The following NCOA2 variants were observed in gnomAD, a reference collection of about 807,000 sequenced individuals.
NCOA2 encodes nuclear receptor coactivator 2, also known as class E basic helix-loop-helix protein 75.
NCOA2 carries 21 observed loss-of-function variants against 145.1 expected under a neutral mutation model. That is an observed-to-expected ratio of 0.14 (90% confidence interval 0.10 to 0.21). NCOA2 has a LOEUF of 0.21. Ranked by LOEUF, NCOA2 falls within the 10% of genes least tolerant of loss-of-function variation. The pLI, the probability that NCOA2 is intolerant of heterozygous loss-of-function variation, is 1.00. For missense variants in NCOA2, 1,472 were observed against 1,837.6 expected (o/e 0.80, Z 3.64); for synonymous variants, 619 against 637.5 (o/e 0.97, Z 0.44).
chr8:70,435,698 TAA>T, the NCOA2 span, among the ~76,000 whole-genome samples: 1 of 150,894 alleles, frequency 6.6e-6, no homozygotes. Flanking sequence ...TATATATATA[TAA>T]GTATAATACT....
Position 70,374,669 on chromosome 8 carries a change from G to C in NCOA2, c.-77+29031C>G, listed in dbSNP as rs150966050. Among the ~76,000 whole-genome samples, 750 of 151,780 alleles carry C rather than the reference G, an allele frequency of 4.9e-3. 5 individuals are homozygous for C. Among genetic ancestry groups the C allele is most frequent in the African/African-American group, 0.017 (718 of 41,382 alleles). Reference sequence around the variant, plus strand: ...AATTTAAAAATTAGCTGGGGCAATGGTGTGCACCTATACTCCCAGCTATTC... The same window carrying C: ...AATTTAAAAATTAGCTGGGGCAATGCTGTGCACCTATACTCCCAGCTATTC... On this transcript the variant is annotated intron_variant, in intron 1 of 22. Coordinates refer to ENST00000452400, the MANE Select transcript of NCOA2 (RefSeq NM_006540.4).
chr8:70,271,710 G>C (rs1825060959), intron 2 of NCOA2, among the ~76,000 whole-genome samples: 2 of 152,220 alleles, frequency 1.3e-5, no homozygotes, highest in African/African-American at 4.8e-5. Context: ...AGGATGGCCA[G>C]GTCCTGCACG....
chr8:70,400,961 A>C (rs1213394537), intron 1 of NCOA2, among the ~76,000 whole-genome samples: 1 of 152,200 alleles, frequency 6.6e-6, no homozygotes, highest in Non-Finnish European at 1.5e-5. Flanking sequence ...CTTATGACAA[A>C]AATCAATGAA....
Position 70,174,773 on chromosome 8 carries a change from C to T in NCOA2, c.346G>A (p.Gly116Arg). The T allele has an allele frequency of 6.2e-7, 1 of 1,613,638 alleles. No homozygotes were observed. Among genetic ancestry groups the T allele is most frequent in the Non-Finnish European group, 8.5e-7 (1 of 1,179,638 alleles). The change falls in exon 5 of 23, where the codon GGG becomes AGG. Residue 116 changes from glycine to arginine, a missense_variant. Around this residue, in one of 4 missense-constraint regions of NCOA2, gnomAD observed 284 missense variants for 467.8 expected, o/e 0.61. Transcript: ENST00000452400. ...GQGVIDKDAL[G>R]PMMLEALDGF... ...TGTGCTACCTCAAGCATCATAGGCC[C>T]CAGCGCATCCTTGTCGATGACACCC...
Position 70,157,187 on chromosome 8 carries a change from T to G in NCOA2, c.1178A>C (p.Lys393Thr). The G allele has an allele frequency of 6.3e-7, 1 of 1,592,652 alleles. No homozygotes were observed. Among genetic ancestry groups the G allele is most frequent in the African/African-American group, 1.3e-5 (1 of 74,702 alleles). Reference protein sequence around the residue: ...NPDLTGQTMGKPLNPISSNSP... With the variant: ...NPDLTGQTMGTPLNPISSNSP... ...GTTAGAGCTAATTGGATTCAGTGGC[T>G]TCCCCATCGTTTGTCCAGTCAGATC... is the stretch of plus-strand genomic sequence containing the variant. Residue 393 changes from lysine (K) to threonine (T), a missense_variant, in exon 11 of 23, where the codon AAG becomes ACG. This residue lies in a region of NCOA2 where 953 missense variants were observed against 1,062.1 expected (regional missense o/e 0.90). Transcript: ENST00000452400.
intron 2 of NCOA2, among the ~76,000 whole-genome samples, chr8:70,223,256 A>T (rs558539100): frequency 6.6e-6 from 1 of 152,338 alleles, no homozygotes; most frequent in African/African-American, 2.4e-5. Flanking sequence ...AAATTCAATT[A>T]TCTTTCTTCA....
chr8:70,378,763 A>AAAC (rs35033159), intron 1 of NCOA2, among the ~76,000 whole-genome samples: 1 of 150,276 alleles, frequency 6.7e-6, no homozygotes, highest in East Asian at 1.9e-4. Flanking sequence ...AAAAAAAAAA[A>AAAC]CATAAAATGA....
chr8:70,150,325 T>G (rs1045695839), intron 11 of NCOA2, among the ~76,000 whole-genome samples: 1 of 152,196 alleles, frequency 6.6e-6, no homozygotes. Context: ...TAAAGCTCTG[T>G]AGGAAGGCAC....
chr8:70,207,314 C>T (rs1365869418), intron 4 of NCOA2, among the ~76,000 whole-genome samples: 1 of 152,162 alleles, frequency 6.6e-6, no homozygotes, highest in Non-Finnish European at 1.5e-5. Flanking sequence ...GAAGTGAGAG[C>T]TCACATCATA....
chr8:70,401,297 A>G (rs1199226054), intron 1 of NCOA2, among the ~76,000 whole-genome samples: 1 of 152,244 alleles, frequency 6.6e-6, no homozygotes, highest in African/African-American at 2.4e-5. Context: ...CAAACCTTGT[A>G]TAAACCAGAA....
intron 12 of NCOA2, among the ~76,000 whole-genome samples, chr8:70,145,357 G>A (rs1414872428): frequency 3.0e-5 from 3 of 100,984 alleles, no homozygotes; most frequent in Non-Finnish European, 4.0e-5. Flanking sequence ...ACGGAGTCTC[G>A]CTCTGTTGCG....
chr8:70,165,170 C>T (rs1386986528), intron 7 of NCOA2, among the ~76,000 whole-genome samples: 10 of 152,124 alleles, frequency 6.6e-5, no homozygotes, highest in African/African-American at 2.4e-4. Context: ...GCACTTACTC[C>T]GCTGCATAAA....
the NCOA2 span, among the ~76,000 whole-genome samples, chr8:70,410,872 T>C: frequency 2.6e-5 from 4 of 152,150 alleles, no homozygotes; most frequent in Admixed American, 2.6e-4. Context: ...TGTATAATGA[T>C]GAAAGTTGAT....
At chr8:70,378,514 T>C (rs890332829) in intron 1 of NCOA2, among the ~76,000 whole-genome samples, 6 of 151,992 alleles carry the variant, frequency 3.9e-5, no homozygotes, top group Non-Finnish European at 8.8e-5. Flanking sequence ...GGTCCATTTC[T>C]TCAAGGGAGA....
At chr8:70,432,110 T>C in the NCOA2 span, among the ~76,000 whole-genome samples, 1 of 152,248 alleles carries the variant, frequency 6.6e-6, no homozygotes, top group Non-Finnish European at 1.5e-5. Context: ...GAGTCCTAGA[T>C]AGGTATTTAC....
intron 5 of NCOA2, among the ~76,000 whole-genome samples, chr8:70,172,615 T>C (rs1482839580): frequency 6.6e-6 from 1 of 152,240 alleles, no homozygotes; most frequent in Admixed American, 6.5e-5. Flanking sequence ...TACATGGTAC[T>C]AACCTTGAGA....
chr8:70,334,204 C>T (rs1807365616), intron 1 of NCOA2, among the ~76,000 whole-genome samples: 1 of 152,298 alleles, frequency 6.6e-6, no homozygotes, highest in East Asian at 1.9e-4. Context: ...TAATTTCCTA[C>T]TTCAGATGGA....
At chr8:70,195,484 C>A (rs753931001) in intron 4 of NCOA2, among the ~76,000 whole-genome samples, 2 of 152,096 alleles carry the variant, frequency 1.3e-5, no homozygotes, top group Non-Finnish European at 2.9e-5. Flanking sequence ...ACATATAGGA[C>A]CCATACAAGT....
intron 1 of NCOA2, among the ~76,000 whole-genome samples, chr8:70,353,168 T>C (rs1450293834): frequency 1.3e-5 from 2 of 151,950 alleles, no homozygotes; most frequent in Admixed American, 6.6e-5. Context: ...ACAGTGACAG[T>C]CTATCACCAT....
Sources: gnomAD v4.1 joint callset for allele counts (sites outside exome capture counted in the v4.1 genomes callset) on GRCh38, gnomAD v4.1.1 for gene constraint, gnomAD v4.1.1 regional missense constraint, MANE v1.5 for transcripts, NCBI Gene and HGNC (gene_info 2026-07-23, HGNC 2026-07-21) for gene names.